Variants in FRMPD4 observed in about 807,000 individuals in gnomAD.
FRMPD4 encodes FERM and PDZ domain-containing protein 4.
FRMPD4 carries 22 observed loss-of-function variants against 94.1 expected under a neutral mutation model. The ratio of observed to expected loss-of-function variants is 0.23; its 90% confidence interval spans 0.17 to 0.33. The LOEUF is 0.33. Ranked by LOEUF, FRMPD4 falls within the 10% of genes least tolerant of loss-of-function variation. FRMPD4 has a pLI of 1.00. For synonymous variants in FRMPD4, 631 were observed against 548.6 expected, an observed-to-expected ratio of 1.15 and a Z score of -2.10; for missense variants, 1,111 against 1,339.9, an observed-to-expected ratio of 0.83 and a Z score of 2.67.
intron 3 of FRMPD4, among the ~76,000 whole-genome samples, chrX:12,105,827 T>A (rs1372508134): frequency 8.9e-6 from 1 of 112,367 alleles, no homozygotes; most frequent in Non-Finnish European, 1.9e-5. Context: ...AGATCAACTT[T>A]CATGATACCC....
At chrX:11,912,235 C>T (rs1237973629) in intron 3 of FRMPD4, among the ~76,000 whole-genome samples, 1 of 112,338 alleles carries the variant, frequency 8.9e-6, no homozygotes, top group Non-Finnish European at 1.9e-5. Context: ...GTTGGTCTCA[C>T]ATTGTTATAT....
chrX:12,295,313 G>A (rs1056099399), intron 1 of FRMPD4, among the ~76,000 whole-genome samples: 2 of 111,806 alleles, frequency 1.8e-5, no homozygotes, highest in Non-Finnish European at 3.8e-5. Context: ...AATTGCATCA[G>A]GTTTTTATAG....
intron 2 of FRMPD4, among the ~76,000 whole-genome samples, chrX:12,506,979 C>A (rs1339878781): frequency 1.8e-5 from 2 of 112,062 alleles, no homozygotes; most frequent in African/African-American, 6.5e-5. Context: ...GGAAGTAACA[C>A]AAGTAAGAAA....
At chrX:11,839,392 T>A (rs927793316) in intron 1 of FRMPD4, among the ~76,000 whole-genome samples, 1 of 111,713 alleles carries the variant, frequency 9.0e-6, no homozygotes, top group Admixed American at 9.6e-5. Flanking sequence ...TGTATGTCTT[T>A]TTTGGTGAAG....
At chrX:12,720,153 C>T (rs1157574037) in intron 16 of FRMPD4, among the ~76,000 whole-genome samples, 1 of 111,147 alleles carries the variant, frequency 9.0e-6, no homozygotes, top group East Asian at 2.8e-4. Context: ...AACCTAATTC[C>T]CTTGAAATGA....
chrX:11,999,716 C>T (rs1158965598), intron 3 of FRMPD4, among the ~76,000 whole-genome samples: 1 of 111,995 alleles, frequency 8.9e-6, no homozygotes, highest in Non-Finnish European at 1.9e-5. Flanking sequence ...CTGCTGATAA[C>T]AGTACAGACT....
intron 1 of FRMPD4, among the ~76,000 whole-genome samples, chrX:12,232,769 C>T (rs971231216): frequency 8.9e-5 from 10 of 111,818 alleles, no homozygotes; most frequent in African/African-American, 3.3e-4. Context: ...AGTATTTATA[C>T]TTACGCACCA....
intron 2 of FRMPD4, among the ~76,000 whole-genome samples, chrX:12,541,383 T>C (rs184299725): frequency 3.6e-5 from 4 of 109,837 alleles, no homozygotes; most frequent in South Asian, 3.9e-4. Context: ...ACCAAATAGA[T>C]GCAATAAAAA....
intron 2 of FRMPD4, among the ~76,000 whole-genome samples, chrX:12,559,756 A>G (rs2058634010): frequency 8.9e-6 from 1 of 111,811 alleles, no homozygotes; most frequent in Admixed American, 9.4e-5. Context: ...AATAAAATAA[A>G]AATTGTGTGA....
At chrX:12,468,825 G>T (rs183183163) in intron 1 of FRMPD4, among the ~76,000 whole-genome samples, 5 of 111,933 alleles carry the variant, frequency 4.5e-5, no homozygotes, top group Non-Finnish European at 7.5e-5. Flanking sequence ...CAAAGAGAGT[G>T]AAATGTCCTA....
chrX:12,413,448 G>A (rs770305166), intron 1 of FRMPD4, among the ~76,000 whole-genome samples: 3 of 111,978 alleles, frequency 2.7e-5, no homozygotes, highest in African/African-American at 6.5e-5. Flanking sequence ...CATCAACCCC[G>A]TGAGTTAGAT....
intron 1 of FRMPD4, among the ~76,000 whole-genome samples, chrX:12,218,266 A>G (rs1443571291): frequency 8.9e-6 from 1 of 112,172 alleles, no homozygotes; most frequent in Non-Finnish European, 1.9e-5. Context: ...TTATGAAAAG[A>G]TTTCCAGTGA....
chrX:12,543,388 C>T (rs1421297655), intron 2 of FRMPD4, among the ~76,000 whole-genome samples: 1 of 111,328 alleles, frequency 9.0e-6, no homozygotes, highest in Non-Finnish European at 1.9e-5. Flanking sequence ...CAAACAAACT[C>T]ACAAGAAAAA....
chrX:12,170,875 A>G (rs1037210543), intron 1 of FRMPD4, among the ~76,000 whole-genome samples: 1 of 113,234 alleles, frequency 8.8e-6, no homozygotes, highest in Non-Finnish European at 1.9e-5. Context: ...TTGGGTTAAT[A>G]TGATGAGATC....
intron 3 of FRMPD4, chrX:12,054,890 C>T (rs977794597): frequency 9.0e-6 from 1 of 111,498 alleles, no homozygotes; most frequent in Non-Finnish European, 1.9e-5. Flanking sequence ...AATCTGTGAA[C>T]AGTCAATTGA....
chrX:12,352,843 A>G (rs930127771), intron 1 of FRMPD4, among the ~76,000 whole-genome samples: 3 of 112,150 alleles, frequency 2.7e-5, no homozygotes, highest in African/African-American at 9.7e-5. Flanking sequence ...TTACTTTTTG[A>G]CATGCCTGTG....
intron 1 of FRMPD4, among the ~76,000 whole-genome samples, chrX:12,437,341 CACAA>C (rs1272559436): frequency 1.8e-5 from 2 of 111,797 alleles, no homozygotes; most frequent in Non-Finnish European, 3.8e-5. Flanking sequence ...TACACACACA[CACAA>C]ACACACACAC....
chrX:11,890,678 A>G (rs1446523066), intron 3 of FRMPD4, among the ~76,000 whole-genome samples: 1 of 112,579 alleles, frequency 8.9e-6, no homozygotes, highest in Non-Finnish European at 1.9e-5. Flanking sequence ...TAAATAATTT[A>G]CCCATGTCAC....
At chrX:12,242,341 G>A (rs1251378929) in intron 1 of FRMPD4, among the ~76,000 whole-genome samples, 1 of 110,141 alleles carries the variant, frequency 9.1e-6, no homozygotes, top group African/African-American at 3.3e-5. Flanking sequence ...AAACTGACCT[G>A]TTCTAAAAAA....
Sources: allele counts gnomAD v4.1 joint callset (sites outside exome capture counted in the v4.1 genomes callset), GRCh38; gene constraint gnomAD v4.1.1; transcripts MANE v1.5; gene names NCBI Gene and HGNC (gene_info 2026-07-23, HGNC 2026-07-21).